The following MEGF6 variants were observed in gnomAD, a reference collection of about 807,000 sequenced individuals.
MEGF6 encodes the protein multiple EGF like domains 6.
Under a neutral mutation model 207.1 loss-of-function variants are expected in MEGF6, and 184 were observed. The ratio of observed to expected loss-of-function variants is 0.89; its 90% CI spans 0.79 to 1.00. The LOEUF (loss-of-function observed/expected upper bound fraction) is 1.00. Ranked by LOEUF, MEGF6 falls within the 50% of genes least tolerant of loss-of-function variation. The pLI is 0.00. For missense variants in MEGF6, 2,282 were observed against 2,202.9 expected, an observed-to-expected ratio of 1.04 and a Z score of -0.72; for synonymous variants, 1,038 against 910.0, an observed-to-expected ratio of 1.14 and a Z score of -2.53.
At chr1:3,567,114 G>A (rs1024169671) in intron 4 of MEGF6, among the ~76,000 whole-genome samples, 1 of 152,238 alleles carries the variant, frequency 6.6e-6, no homozygotes, top group South Asian at 2.1e-4. Flanking sequence ...AGCCCTGGTC[G>A]CACGGTGCTG....
chr1:3,620,384 C>T, the MEGF6 span, among the ~76,000 whole-genome samples: 3 of 152,214 alleles, frequency 2.0e-5, no homozygotes, highest in African/African-American at 7.2e-5. Context: ...ATCACAGGCC[C>T]AGAGGCCTTG....
At chr1:3,533,664 G>A (rs1051705797) in intron 4 of MEGF6, among the ~76,000 whole-genome samples, 2 of 152,158 alleles carry the variant, frequency 1.3e-5, no homozygotes, top group Non-Finnish European at 2.9e-5. Flanking sequence ...GGAGGTGCAC[G>A]ACCGGCCACC....
chr1:3,529,710 G>A (rs942383967), intron 4 of MEGF6, among the ~76,000 whole-genome samples: 3 of 152,200 alleles, frequency 2.0e-5, no homozygotes, highest in Non-Finnish European at 2.9e-5. Context: ...AGCCCATGGG[G>A]CCCCCAGCGA....
chr1:3,608,690 G>C (rs548019261), intron 1 of MEGF6, among the ~76,000 whole-genome samples: 2 of 152,174 alleles, frequency 1.3e-5, no homozygotes, highest in African/African-American at 4.8e-5. Flanking sequence ...CCAAAATGTG[G>C]AGCTTCCAAC....
At chr1:3,563,660 T>C (rs1643265349) in intron 4 of MEGF6, among the ~76,000 whole-genome samples, 1 of 152,362 alleles carries the variant, frequency 6.6e-6, no homozygotes, top group South Asian at 2.1e-4. Flanking sequence ...TATGGTTTTC[T>C]GCAGAGTCCC....
chr1:3,502,583 G>C (rs543061738), intron 17 of MEGF6, among the ~76,000 whole-genome samples: 1 of 152,256 alleles, frequency 6.6e-6, no homozygotes, highest in Non-Finnish European at 1.5e-5. Flanking sequence ...GGTCCCCCCT[G>C]CTCCACCCGG....
intron 2 of MEGF6, among the ~76,000 whole-genome samples, chr1:3,602,265 C>T (rs1644171957): frequency 6.6e-6 from 1 of 152,224 alleles, no homozygotes; most frequent in African/African-American, 2.4e-5. Flanking sequence ...CAGGAGAGGG[C>T]TACAGCATGT....
chr1:3,602,559 C>T lies in MEGF6; in HGVS notation c.173G>A (p.Arg58His), dbSNP rs1405693416. 15 of 1,611,976 alleles carry T rather than the reference C, an allele frequency of 9.3e-6. No individual in the cohort carries two copies. Among genetic ancestry groups the T allele is most frequent in the Middle Eastern group, 1.6e-4 (1 of 6,074 alleles). Residue 58 changes from arginine to histidine, a missense_variant, in exon 2 of 37, where the codon CGC becomes CAC. Transcript: ENST00000356575. Reference protein sequence around the residue: ...CAEQELTLVGRRQPCVQALSH... With the variant: ...CAEQELTLVGHRQPCVQALSH... ...TAAGGCCTGCACGCACGGCTGGCGGCGGCCCACCAGGGTCAGCTCCTGCTC... is the reference window on the plus strand; with the variant it reads ...TAAGGCCTGCACGCACGGCTGGCGGTGGCCCACCAGGGTCAGCTCCTGCTC...
chr1:3,509,476 T>A (rs1437416483), intron 11 of MEGF6, among the ~76,000 whole-genome samples: 1 of 152,024 alleles, frequency 6.6e-6, no homozygotes, highest in Non-Finnish European at 1.5e-5. Flanking sequence ...ACCCGGCCCC[T>A]CTGCCCCCAG....
chr1:3,493,749 C>T, intron 34 of MEGF6, 22 bp downstream of exon 34: 1 of 1,607,054 alleles, frequency 6.2e-7, no homozygotes, highest in Non-Finnish European at 8.5e-7. Flanking sequence ...CACGCCCTTC[C>T]TGGGCAGGAC....
chr1:3,577,030 C>CCCCTGCACACCTGG (rs1416044965), intron 4 of MEGF6, among the ~76,000 whole-genome samples: 1 of 150,478 alleles, frequency 6.6e-6, no homozygotes, highest in Non-Finnish European at 1.5e-5. Flanking sequence ...GCACACTCCA[C>CCCCTGCACACCTGG]CCCTGCACAC....
chr1:3,510,804 C>T lies in MEGF6; in HGVS notation c.1213G>A (p.Ala405Thr), dbSNP rs1289231548. 6.2e-7 allele frequency: 1 copy of T among 1,609,342 alleles called. No individual in the cohort carries two copies. Among genetic ancestry groups the T allele is most frequent in the East Asian group, 2.2e-5 (1 of 44,782 alleles). The change falls in exon 10 of 37, where the codon GCC becomes ACC. Residue 405 changes from alanine (A) to threonine (T), a missense_variant. Physicochemically the swap from Ala to Thr is moderately conservative, Grantham distance 58 (BLOSUM62 0). Coordinates refer to ENST00000356575, the MANE Select transcript of MEGF6 (RefSeq NM_001409.4). ...CGCYAGYRLS[A>T]DGCGCEDVDE... ...TCACCCTCACAGCCGCAGCCATCGG[C>T]ACTGAGCCGGTAGCCGGCGTAGCAG...
At chr1:3,592,780 A>AT (rs1644000335) in intron 3 of MEGF6, among the ~76,000 whole-genome samples, 1 of 151,716 alleles carries the variant, frequency 6.6e-6, no homozygotes, top group Non-Finnish European at 1.5e-5. Context: ...GATCACAGGG[A>AT]TTCCCCGGAC....
intron 3 of MEGF6, among the ~76,000 whole-genome samples, chr1:3,581,636 C>T (rs1643800328): frequency 6.6e-6 from 1 of 152,206 alleles, no homozygotes; most frequent in South Asian, 2.1e-4. Flanking sequence ...TTTAGGTTTT[C>T]CTTGTCCTGA....
At chr1:3,605,710 TCACA>T (rs1456736288) in intron 1 of MEGF6, among the ~76,000 whole-genome samples, 1 of 152,036 alleles carries the variant, frequency 6.6e-6, no homozygotes, top group Admixed American at 6.5e-5. Context: ...AAACTCCCAT[TCACA>T]CACACTCACA....
At chr1:3,603,549 A>C (rs944789608) in intron 1 of MEGF6, among the ~76,000 whole-genome samples, 21 of 152,018 alleles carry the variant, frequency 1.4e-4, no homozygotes, top group Admixed American at 1.0e-3. Context: ...GCTCCCCAGA[A>C]CCAGGGCCAG....
chr1:3,543,366 C>T (rs542727369), intron 4 of MEGF6, among the ~76,000 whole-genome samples: 154 of 152,366 alleles, frequency 1.0e-3, no homozygotes, highest in African/African-American at 3.5e-3. Context: ...ACCCTGCGTT[C>T]GTGCTCACTC....
intron 7 of MEGF6, among the ~76,000 whole-genome samples, chr1:3,513,731 C>T (rs996178081): frequency 6.6e-6 from 1 of 150,996 alleles, no homozygotes; most frequent in Non-Finnish European, 1.5e-5. Flanking sequence ...GCTAGGACTC[C>T]AGACAGCACC....
intron 1 of MEGF6, among the ~76,000 whole-genome samples, chr1:3,608,686 T>A (rs1429795960): frequency 6.6e-6 from 1 of 152,182 alleles, no homozygotes; most frequent in Non-Finnish European, 1.5e-5. Context: ...GTCTCCAAAA[T>A]GTGGAGCTTC....
Sources: gnomAD v4.1 joint callset for allele counts (sites outside exome capture counted in the v4.1 genomes callset) on GRCh38, gnomAD v4.1.1 for gene constraint, MANE v1.5 for transcripts, NCBI Gene and HGNC (gene_info 2026-07-23, HGNC 2026-07-21) for gene names.